Variants in ERCC3 observed in about 807,000 individuals in gnomAD.
ERCC3 encodes the protein ERCC excision repair 3, TFIIH core complex helicase subunit, also known as general transcription and DNA repair factor IIH helicase/translocase subunit XPB.
ERCC3 carries 66 observed loss-of-function variants against 94.2 expected under a neutral mutation model. That is an observed-to-expected ratio of 0.70 (90% CI 0.57 to 0.86). ERCC3 has a LOEUF of 0.86. ERCC3 is among the 40% of genes least tolerant of loss of function. ERCC3 has a pLI of 0.00. For missense variants in ERCC3, 829 were observed against 987.1 expected (o/e 0.84, Z 2.15); for synonymous variants, 349 against 369.1 (o/e 0.95, Z 0.63).
rs146141022 is a variant in ERCC3 at position 127,258,631 on chromosome 2, G to T, written c.2217+665C>A. 6.6e-6 allele frequency among the ~76,000 whole-genome samples: 1 copy of T among 152,102 alleles called. No homozygotes were observed. On this transcript the variant is annotated intron_variant, in intron 14 of 14. Transcript: ENST00000285398. This position sits in a 1 kb window ranked among gnomAD's most constrained non-coding sequence, Gnocchi z 4.1. ...TTGGTCCAGCAGTTGCTCACCTTCC[G>T]GCTCTAATGGCAACTGAATTTCAAA...
Position 127,271,457 on chromosome 2 carries a change from C to A in ERCC3, c.1828-4G>T, listed in dbSNP as rs1343022602. ...GATCAAACGAAGTGTCACCTACCTA[C>A]AGAAACAAGTTGGAAGGTTTTTATA... On this transcript the variant is annotated splice_polypyrimidine_tract_variant and splice_region_variant and intron_variant, in intron 11 of 14. Coordinates refer to ENST00000285398, the MANE Select transcript of ERCC3 (RefSeq NM_000122.2). This position sits in a 1 kb window ranked among gnomAD's most constrained non-coding sequence, Gnocchi z 5.0. The A allele has an allele frequency of 6.2e-7, 1 of 1,604,126 alleles. No homozygotes were observed. Among genetic ancestry groups the A allele is most frequent in the African/African-American group, 1.3e-5 (1 of 74,404 alleles).
Position 127,286,909 on chromosome 2 carries a change from T to G in ERCC3, c.1136A>C (p.Lys379Thr), listed in dbSNP as rs754612702. 4.3e-6 allele frequency: 7 copies of G among 1,614,124 alleles called. No homozygotes were observed. The African/African-American group carries it at 9.3e-5, about 22-fold the overall frequency. Reference sequence around the variant, plus strand: ...GCTGTCGTCAATGGTGGACCACATCTTGAACTGGGCTTTCCACTGCTCCAC... The same window carrying G: ...GCTGTCGTCAATGGTGGACCACATCGTGAACTGGGCTTTCCACTGCTCCAC... ...VSVEQWKAQF[K>T]MWSTIDDSQI... Residue 379 changes from lysine to threonine, a missense_variant, in exon 8 of 15, where the codon AAG (lysine) becomes ACG (threonine). By Grantham distance (78) the Lys-to-Thr change is moderately conservative. Coordinates refer to ENST00000285398, the MANE Select transcript of ERCC3 (RefSeq NM_000122.2).
In ERCC3 at chr2:127,280,517, G is replaced by C; in HGVS notation, c.1457C>G (p.Pro486Arg). 1 of 1,614,034 alleles carries C rather than the reference G, an allele frequency of 6.2e-7. No individual in the cohort carries two copies. The highest frequency in any genetic ancestry group is 8.5e-7 in the Non-Finnish European group (1 of 1,180,000). Residue 486 changes from proline (P) to arginine (R), a missense_variant, in exon 9 of 15, where the codon CCT (proline) becomes CGT (arginine). Coordinates refer to ENST00000285398, the MANE Select transcript of ERCC3 (RefSeq NM_000122.2). This position sits in a 1 kb window ranked among gnomAD's most constrained non-coding sequence, Gnocchi z 6.3. ...CATCCAGTTGGCTTCGTAGAGCTTA[G>C]GCCCAATCAGAAAATTTAAATCCAC... The part of the protein sequence containing the change: ...KIVDLNFLIG[P>R]KLYEANWMEL...
At chr2:127,265,337 C>G (rs1684321186) in intron 12 of ERCC3, among the ~76,000 whole-genome samples, 1 of 152,200 alleles carries the variant, frequency 6.6e-6, no homozygotes, top group African/African-American at 2.4e-5. Context: ...TGGGGATCAG[C>G]TGTGATGTCA....
intron 8 of ERCC3, among the ~76,000 whole-genome samples, chr2:127,285,433 C>T (rs542997960): frequency 6.6e-5 from 10 of 152,204 alleles, no homozygotes; most frequent in South Asian, 6.2e-4. Context: ...TGGTACTTTA[C>T]GCCTGTAATC....
Position 127,264,839 on chromosome 2 carries a change from G to T in ERCC3, c.1946-3493C>A, listed in dbSNP as rs1395501100. 6.6e-6 allele frequency among the ~76,000 whole-genome samples: 1 copy of T among 150,818 alleles called. No homozygotes were observed. Among genetic ancestry groups the T allele is most frequent in the African/African-American group, 2.4e-5 (1 of 40,916 alleles). On this transcript the variant is annotated intron_variant, in intron 12 of 14. Coordinates refer to ENST00000285398, the MANE Select transcript of ERCC3 (RefSeq NM_000122.2). The surrounding 1 kb of genome is among the most constrained non-coding windows in gnomAD (Gnocchi z 4.4). ...ATACATCTGGTCCAGGACTTTTTTA[G>T]TTGGTAGATTTTTTTTTTTTTTTTT...
rs147789931 is a variant in ERCC3 at position 127,281,768 on chromosome 2, A to AACACACAC, written c.1343-1145_1343-1138dup. ...CACCACATGCAAACACACACACACA[A>AACACACAC]ACACACACACACACACACAACACAG... On this transcript the variant is annotated intron_variant, in intron 8 of 14. Coordinates refer to ENST00000285398, the MANE Select transcript of ERCC3 (RefSeq NM_000122.2). Among the ~76,000 whole-genome samples, 345 of 150,228 alleles carry AACACACAC rather than the reference A, an allele frequency of 2.3e-3. 1 individual carries two copies. Among genetic ancestry groups the AACACACAC allele is most frequent in the African/African-American group, 7.6e-3 (312 of 41,064 alleles).
At chr2:127,283,089 T>A (rs1684965633) in intron 8 of ERCC3, among the ~76,000 whole-genome samples, 1 of 142,206 alleles carries the variant, frequency 7.0e-6, no homozygotes, top group Non-Finnish European at 1.5e-5. Context: ...CCCTTCCACC[T>A]TTTTTCTTTT....
intron 12 of ERCC3, among the ~76,000 whole-genome samples, chr2:127,265,655 A>C (rs1684332221): frequency 6.6e-6 from 1 of 152,148 alleles, no homozygotes; most frequent in African/African-American, 2.4e-5. Flanking sequence ...TTGACCTTGT[A>C]ATCCGCCCAC....
intron 7 of ERCC3, among the ~76,000 whole-genome samples, chr2:127,287,803 A>C (rs1394829755): frequency 6.6e-6 from 1 of 152,128 alleles, no homozygotes; most frequent in African/African-American, 2.4e-5. Flanking sequence ...GAATTCAGGG[A>C]TGCGCTATGT....
intron 12 of ERCC3, among the ~76,000 whole-genome samples, chr2:127,270,572 A>G (rs1684515062): frequency 6.6e-6 from 1 of 152,194 alleles, no homozygotes; most frequent in Non-Finnish European, 1.5e-5. Context: ...GTTCCAACAG[A>G]TGCCCACTAA....
rs375085448 is a variant in ERCC3 at position 127,280,404 on chromosome 2, G to A, written c.1527+43C>T. 2.5e-5 allele frequency: 39 copies of A among 1,562,190 alleles called. 1 individual carries two copies. The highest frequency in any genetic ancestry group is 2.1e-4 in the Middle Eastern group (1 of 4,800). ...GATCTGATCACTCCCCTGCCCATAG[G>A]AGGAGGCCCTTTCCCAGACGCCCCC... On this transcript the variant is annotated intron_variant, in intron 9 of 14. Coordinates refer to ENST00000285398, the MANE Select transcript of ERCC3 (RefSeq NM_000122.2). The surrounding 1 kb of genome is among the most constrained non-coding windows in gnomAD (Gnocchi z 6.3).
At chr2:127,286,404 C>T (rs1685066575) in intron 8 of ERCC3, among the ~76,000 whole-genome samples, 1 of 152,072 alleles carries the variant, frequency 6.6e-6, no homozygotes, top group African/African-American at 2.4e-5. Context: ...AAAAATTAGC[C>T]TAGCATGGTG....
Position 127,280,669 on chromosome 2 carries a change from CT to C in ERCC3, c.1343-39del. On this transcript the variant is annotated intron_variant, in intron 8 of 14. Transcript: ENST00000285398. The surrounding 1 kb of genome is among the most constrained non-coding windows in gnomAD (Gnocchi z 6.3). Reference sequence around the variant, plus strand: ...TGGGAGCATTCACACTGTCACTTTTCTTTCTTATTTTTTATTTATTTATTTT... The same window carrying C: ...TGGGAGCATTCACACTGTCACTTTTCTTCTTATTTTTTATTTATTTATTTT... The C allele has an allele frequency of 6.5e-7, 1 of 1,550,064 alleles. No individual in the cohort carries two copies.
At position 127,258,783 on chromosome 2, in the gene ERCC3, T is replaced by C. The variant is rs928632546; in HGVS notation, c.2217+513A>G. 5.9e-5 allele frequency among the ~76,000 whole-genome samples: 9 copies of C among 152,352 alleles called. No individual in the cohort carries two copies. Among genetic ancestry groups the C allele is most frequent in the African/African-American group, 2.2e-4 (9 of 41,578 alleles). ...GCATATTTGTAGAATAAATGAAAGGTTGAGTATTTTCACAGAACTCTACAT... is the reference window on the plus strand; with the variant it reads ...GCATATTTGTAGAATAAATGAAAGGCTGAGTATTTTCACAGAACTCTACAT... On this transcript the variant is annotated intron_variant, in intron 14 of 14. Transcript: ENST00000285398. The surrounding 1 kb of genome is among the most constrained non-coding windows in gnomAD (Gnocchi z 4.1).
rs1322998879 is a variant in ERCC3 at position 127,264,807 on chromosome 2, G to A, written c.1946-3461C>T. Among the ~76,000 whole-genome samples, 3 of 151,432 alleles carry A rather than the reference G, an allele frequency of 2.0e-5. No homozygotes were observed. The highest frequency in any genetic ancestry group is 6.6e-5 in the Admixed American group (1 of 15,186). On this transcript the variant is annotated intron_variant, in intron 12 of 14. Coordinates refer to ENST00000285398, the MANE Select transcript of ERCC3 (RefSeq NM_000122.2). This position sits in a 1 kb window ranked among gnomAD's most constrained non-coding sequence, Gnocchi z 4.4. ...TCAATTTTTTTGAATAGTTTCAGTA[G>A]AACTGAATACATCTGGTCCAGGACT... is the stretch of plus-strand genomic sequence containing the variant.
In ERCC3 at chr2:127,280,719, G is replaced by T. The variant is rs1684882539; in HGVS notation, c.1343-88C>A. 1 of 1,234,274 alleles carries T rather than the reference G, an allele frequency of 8.1e-7. No homozygotes were observed. Among genetic ancestry groups the T allele is most frequent in the Admixed American group, 2.0e-5 (1 of 49,372 alleles). The allele number at this position is 1,234,274 out of a possible 1,614,324, so 76.5% of individuals were successfully genotyped here. A position where few individuals can be genotyped will look rare whatever the true frequency, so the allele number is the denominator to read the frequency against. ...TTAAAATATTTTTTGTAGAGATGGG[G>T]TCTCATTATATTGCCCAGGCTGGTC... is the stretch of plus-strand genomic sequence containing the variant. On this transcript the variant is annotated intron_variant, in intron 8 of 14. Coordinates refer to ENST00000285398, the MANE Select transcript of ERCC3 (RefSeq NM_000122.2). This position sits in a 1 kb window ranked among gnomAD's most constrained non-coding sequence, Gnocchi z 6.3.
chr2:127,293,966 C>A, intron 1 of ERCC3, 88 bp downstream of exon 1: 2 of 1,557,160 alleles, frequency 1.3e-6, no homozygotes, highest in South Asian at 2.3e-5. Context: ...GGTCGGCCGG[C>A]GCAGAGGCCC....
In ERCC3 at chr2:127,277,645, A is replaced by G. The variant is rs1164378709; in HGVS notation, c.1730+1528T>C. On this transcript the variant is annotated intron_variant, in intron 10 of 14. Transcript: ENST00000285398. This position sits in a 1 kb window ranked among gnomAD's most constrained non-coding sequence, Gnocchi z 5.1. ...GGCAGAGGTTGCAGTGAGCTGAGAT[A>G]GCGCCACTGCACTCCAGCCTGGCAA... Among the ~76,000 whole-genome samples the G allele has an allele frequency of 4.6e-5, 7 of 152,002 alleles. No individual in the cohort carries two copies. Among genetic ancestry groups the G allele is most frequent in the African/African-American group, 1.4e-4 (6 of 41,394 alleles).
Sources: allele counts gnomAD v4.1 joint callset (sites outside exome capture counted in the v4.1 genomes callset), GRCh38; gene constraint gnomAD v4.1.1; non-coding constraint Gnocchi (gnomAD v3.1); transcripts MANE v1.5; gene names NCBI Gene and HGNC (gene_info 2026-07-23, HGNC 2026-07-21).